Variants in ST3GAL1 observed in about 807,000 individuals in gnomAD.
ST3GAL1 encodes the protein ST3 beta-galactoside alpha-2,3-sialyltransferase 1.
Under a neutral mutation model 34.1 loss-of-function variants are expected in ST3GAL1, and 16 were observed. The observed-to-expected ratio is 0.47, with a 90% CI of 0.32 to 0.71. The LOEUF is 0.71. Ranked by LOEUF, ST3GAL1 falls within the 30% of genes least tolerant of loss-of-function variation. The pLI is 0.04. For missense variants in ST3GAL1, 353 were observed against 447.4 expected (o/e 0.79, Z 1.90); for synonymous variants, 191 against 184.7 (o/e 1.03, Z -0.28).
chr8:133,551,611 A>C (rs573182219), intron 1 of ST3GAL1, among the ~76,000 whole-genome samples: 48 of 148,296 alleles, frequency 3.2e-4, no homozygotes, highest in African/African-American at 1.1e-3. Context: ...AGAAAGAAAG[A>C]AAGAAAGAGC....
chr8:133,521,975 G>A (rs190029300), intron 2 of ST3GAL1, among the ~76,000 whole-genome samples: 3 of 152,286 alleles, frequency 2.0e-5, no homozygotes. Flanking sequence ...ATTTGTTTCA[G>A]TGGTCATGGG....
chr8:133,513,235 A>C (rs1817547297), intron 2 of ST3GAL1, among the ~76,000 whole-genome samples: 1 of 151,932 alleles, frequency 6.6e-6, no homozygotes, highest in Non-Finnish European at 1.5e-5. Context: ...CTCGGCCTTC[A>C]CTCGTGACTT....
intron 3 of ST3GAL1, among the ~76,000 whole-genome samples, chr8:133,484,602 C>T (rs889816440): frequency 8.5e-5 from 13 of 152,216 alleles, no homozygotes; most frequent in African/African-American, 2.7e-4. Context: ...GGAACTTCCA[C>T]ATGGAACTCT....
intron 5 of ST3GAL1, among the ~76,000 whole-genome samples, chr8:133,472,142 G>A (rs62520270): frequency 0.044 from 6,642 of 151,566 alleles, 175 homozygotes; most frequent in Non-Finnish European, 0.06. Context: ...TGCAGGGCAC[G>A]GGGCTGATTT....
intron 2 of ST3GAL1, among the ~76,000 whole-genome samples, chr8:133,522,626 T>C (rs1285073229): frequency 6.6e-6 from 1 of 152,124 alleles, no homozygotes; most frequent in East Asian, 1.9e-4. Flanking sequence ...AAAGCCTACG[T>C]TCATATCCAG....
intron 1 of ST3GAL1, among the ~76,000 whole-genome samples, chr8:133,548,649 G>A (rs938389360): frequency 2.6e-5 from 4 of 152,158 alleles, no homozygotes; most frequent in South Asian, 4.1e-4. Flanking sequence ...TTCCAAACTC[G>A]AAGCTGGATT....
At chr8:133,483,408 G>C (rs1046959709) in intron 3 of ST3GAL1, among the ~76,000 whole-genome samples, 9 of 152,122 alleles carry the variant, frequency 5.9e-5, no homozygotes, top group Admixed American at 5.9e-4. Context: ...TTGCACAAAA[G>C]TGAACAGCTC....
chr8:133,570,193 G>A lies in ST3GAL1; in HGVS notation c.-582+1500C>T, dbSNP rs967974397. The A allele has an allele frequency of 6.6e-6, 1 of 152,302 alleles. No homozygotes were observed. The highest frequency in any genetic ancestry group is 6.5e-5 in the Admixed American group (1 of 15,294). 9.4% of individuals were successfully genotyped at this position (152,302 alleles called of 1,614,324 possible). On this transcript the variant is annotated intron_variant, in intron 1 of 9. Transcript: ENST00000522652. This position sits in a 1 kb window ranked among gnomAD's most constrained non-coding sequence, Gnocchi z 5.6. ...ACACACACCCAGCCGCAGAGCGGGG[G>A]TGGGCGCTCGCTGTCTCCCTGGAGA...
At chr8:133,529,512 A>G (rs1280499962) in intron 2 of ST3GAL1, among the ~76,000 whole-genome samples, 2 of 152,220 alleles carry the variant, frequency 1.3e-5, no homozygotes, top group Non-Finnish European at 2.9e-5. Context: ...TGAGGACGCC[A>G]GGCGAGAGCT....
At chr8:133,547,320 AGGGGCCGTGGC>A (rs1818699663) in intron 1 of ST3GAL1, among the ~76,000 whole-genome samples, 6 of 151,440 alleles carry the variant, frequency 4.0e-5, no homozygotes, top group African/African-American at 1.5e-4. Context: ...TCCAGGCTGG[AGGGGCCGTGGC>A]ATGACTACCA....
At chr8:133,547,499 A>G (rs1818703686) in intron 1 of ST3GAL1, among the ~76,000 whole-genome samples, 1 of 152,124 alleles carries the variant, frequency 6.6e-6, no homozygotes, top group Non-Finnish European at 1.5e-5. Flanking sequence ...CCTGGGCATG[A>G]GCCACCATGC....
chr8:133,505,890 T>C (rs12681691), intron 2 of ST3GAL1, among the ~76,000 whole-genome samples: 83,730 of 152,074 alleles, frequency 0.55, 23,589 homozygotes, highest in African/African-American at 0.66. Context: ...CGTGAGCCAC[T>C]GCACTCACCT....
In ST3GAL1 at chr8:133,462,764, T is replaced by C. The variant is rs115010739; in HGVS notation, c.729+650A>G. On this transcript the variant is annotated intron_variant, in intron 8 of 9. Transcript: ENST00000522652. ...TGTCCCTTCCACCAACCCCACCCTA[T>C]AGAGACACATAAGTGGCTTCTTCCC... Among the ~76,000 whole-genome samples, 352 of 152,236 alleles carry C rather than the reference T, an allele frequency of 2.3e-3. 1 individual carries two copies. The highest frequency in any genetic ancestry group is 8.3e-3 in the African/African-American group (345 of 41,560).
intron 1 of ST3GAL1, among the ~76,000 whole-genome samples, chr8:133,565,239 T>TG (rs1376114070): frequency 6.6e-6 from 1 of 151,558 alleles, no homozygotes; most frequent in African/African-American, 2.4e-5. Flanking sequence ...TGTCCTGCCC[T>TG]GGGGGGCTCC....
intron 9 of ST3GAL1, 96 bp from the exon 10 acceptor site, chr8:133,460,033 AC>A: frequency 1.5e-6 from 2 of 1,335,206 alleles, no homozygotes; most frequent in Non-Finnish European, 2.0e-6. Flanking sequence ...ATCCCACAGG[AC>A]CATAAACAGC....
chr8:133,542,731 A>G (rs1394002463), intron 2 of ST3GAL1, among the ~76,000 whole-genome samples: 1 of 151,006 alleles, frequency 6.6e-6, no homozygotes. Flanking sequence ...GCAAAGATCA[A>G]GATTGCACCA....
At chr8:133,522,821 G>A (rs1001162692) in intron 2 of ST3GAL1, among the ~76,000 whole-genome samples, 6 of 152,162 alleles carry the variant, frequency 3.9e-5, no homozygotes, top group African/African-American at 1.4e-4. Flanking sequence ...TATCCTCCCT[G>A]GAGTACAATC....
chr8:133,513,706 C>G (rs560500971), intron 2 of ST3GAL1, among the ~76,000 whole-genome samples: 2 of 152,026 alleles, frequency 1.3e-5, no homozygotes, highest in Non-Finnish European at 2.9e-5. Flanking sequence ...CCAGTCTAGC[C>G]AACATGGTGA....
chr8:133,538,664 TC>T (rs1197882896), intron 2 of ST3GAL1, among the ~76,000 whole-genome samples: 1 of 152,226 alleles, frequency 6.6e-6, no homozygotes, highest in Non-Finnish European at 1.5e-5. Flanking sequence ...TAATTAGACA[TC>T]CCACCTTCAC....
Sources: allele counts gnomAD v4.1 joint callset (sites outside exome capture counted in the v4.1 genomes callset), GRCh38; gene constraint gnomAD v4.1.1; non-coding constraint Gnocchi (gnomAD v3.1); transcripts MANE v1.5; gene names NCBI Gene and HGNC (gene_info 2026-07-23, HGNC 2026-07-21).